The following MAN2A1 variants were observed in gnomAD, a reference collection of about 807,000 sequenced individuals.
MAN2A1 encodes alpha-mannosidase 2.
In MAN2A1, 76 loss-of-function variants were observed where a neutral mutation model predicts 142.6. The observed-to-expected ratio is 0.53, with a 90% CI of 0.44 to 0.65. The LOEUF is 0.65. MAN2A1 is among the 30% of genes least tolerant of loss of function. The pLI, the probability that MAN2A1 is intolerant of heterozygous loss-of-function variation, is 0.00. For synonymous variants in MAN2A1, 559 were observed against 473.2 expected (o/e 1.18, Z -2.35); for missense variants, 1,311 against 1,365.1 (o/e 0.96, Z 0.62).
intron 16 of MAN2A1, 150 bp from the exon 17 acceptor site, chr5:109,842,178 T>C (rs1253028465): frequency 4.1e-6 from 2 of 484,522 alleles, no homozygotes; most frequent in Admixed American, 8.2e-5. Flanking sequence ...AAAAGTTAAA[T>C]TGTCATAGCA....
chr5:109,700,850 TATTTGAAA>T (rs1165212568), intron 1 of MAN2A1, among the ~76,000 whole-genome samples: 1 of 152,228 alleles, frequency 6.6e-6, no homozygotes, highest in African/African-American at 2.4e-5. Flanking sequence ...ATCCAACATA[TATTTGAAA>T]ATTTACTGGG....
Position 109,822,127 on chromosome 5 carries a change from T to A in MAN2A1, c.2452-1596T>A, listed in dbSNP as rs978153496. Among the ~76,000 whole-genome samples, 3 of 151,226 alleles carry A rather than the reference T, an allele frequency of 2.0e-5. No individual in the cohort carries two copies. The East Asian group carries it at 5.8e-4, about 29-fold the overall frequency. ...TACAGTAAGGACTCTAGGTTTTTTGTTTGTTTTTGTTTTTGGTTTTTTTTT... is the reference window on the plus strand; with the variant it reads ...TACAGTAAGGACTCTAGGTTTTTTGATTGTTTTTGTTTTTGGTTTTTTTTT... On this transcript the variant is annotated intron_variant, in intron 15 of 21. Coordinates refer to ENST00000261483, the MANE Select transcript of MAN2A1 (RefSeq NM_002372.4).
chr5:109,856,775 G>A (rs1363526586), intron 20 of MAN2A1, among the ~76,000 whole-genome samples: 1 of 150,908 alleles, frequency 6.6e-6, no homozygotes, highest in Non-Finnish European at 1.5e-5. Context: ...TGCTCGAGGC[G>A]TGTGTGCGTG....
In MAN2A1 at chr5:109,850,462, G is replaced by A. The variant is rs1178399384; in HGVS notation, c.2976+2672G>A. 3.9e-5 allele frequency among the ~76,000 whole-genome samples: 6 copies of A among 152,090 alleles called. No individual in the cohort carries two copies. The South Asian group carries it at 8.3e-4, about 21-fold the overall frequency. Reference sequence around the variant, plus strand: ...AAAGCAAAAATTCTTCCAGTATTTAGAATATTTTAGAAAAAAGAATTAGTA... The same window carrying A: ...AAAGCAAAAATTCTTCCAGTATTTAAAATATTTTAGAAAAAAGAATTAGTA... On this transcript the variant is annotated intron_variant, in intron 19 of 21. Transcript: ENST00000261483.
intron 4 of MAN2A1, among the ~76,000 whole-genome samples, chr5:109,733,694 G>T (rs1225581440): frequency 6.6e-6 from 1 of 152,104 alleles, no homozygotes; most frequent in Non-Finnish European, 1.5e-5. Context: ...AACCAGCCTT[G>T]CATCCCAGGG....
intron 21 of MAN2A1, among the ~76,000 whole-genome samples, chr5:109,866,553 A>G (rs898529805): frequency 5.3e-5 from 8 of 152,218 alleles, no homozygotes; most frequent in East Asian, 3.9e-4. Flanking sequence ...ACAAAAAGGA[A>G]TGCAGAATAT....
chr5:109,804,728 T>C (rs1432225673), intron 12 of MAN2A1, among the ~76,000 whole-genome samples: 1 of 152,208 alleles, frequency 6.6e-6, no homozygotes, highest in Non-Finnish European at 1.5e-5. Flanking sequence ...GATGTAGCAC[T>C]AGTAAAAATT....
At chr5:109,766,065 G>T (rs1278006194) in intron 5 of MAN2A1, among the ~76,000 whole-genome samples, 1 of 152,072 alleles carries the variant, frequency 6.6e-6, no homozygotes, top group Non-Finnish European at 1.5e-5. Flanking sequence ...AGTGCACTGA[G>T]TTGGAAAATT....
At chr5:109,701,380 G>T (rs1345793607) in intron 1 of MAN2A1, among the ~76,000 whole-genome samples, 3 of 152,156 alleles carry the variant, frequency 2.0e-5, no homozygotes, top group Admixed American at 1.3e-4. Flanking sequence ...AATCTTTGGT[G>T]CCTGTGAAGA....
Position 109,697,158 on chromosome 5 carries a change from G to A in MAN2A1, c.135+6606G>A, listed in dbSNP as rs544212326. Reference sequence around the variant, plus strand: ...GAAGATAAGATATATTGATTAATAAGGTAGTATAAAAATTGTCTGCAAAAA... The same window carrying A: ...GAAGATAAGATATATTGATTAATAAAGTAGTATAAAAATTGTCTGCAAAAA... On this transcript the variant is annotated intron_variant, in intron 1 of 21. Transcript: ENST00000261483. Among the ~76,000 whole-genome samples the A allele has an allele frequency of 2.0e-5, 3 of 152,286 alleles. No individual in the cohort carries two copies. In the East Asian group the frequency reaches 5.8e-4, roughly 29 times the overall value.
intron 3 of MAN2A1, among the ~76,000 whole-genome samples, chr5:109,723,366 T>G (rs1164167812): frequency 6.6e-6 from 1 of 152,182 alleles, no homozygotes; most frequent in Admixed American, 6.5e-5. Context: ...TCAGCAGGTT[T>G]CTAGGTTTTC....
Position 109,821,731 on chromosome 5 carries a change from A to G in MAN2A1, c.2451+1389A>G, listed in dbSNP as rs191105971. Among the ~76,000 whole-genome samples, 140 of 152,066 alleles carry G rather than the reference A, an allele frequency of 9.2e-4. 1 individual carries two copies. The highest frequency in any genetic ancestry group is 2.6e-3 in the African/African-American group (106 of 41,506). On this transcript the variant is annotated intron_variant, in intron 15 of 21. Transcript: ENST00000261483. The stretch of plus-strand genomic sequence containing the variant: ...TTTCTTTTGTGATTTTCCTATTTCT[A>G]TTCTTTGACTGTTTTTCTGTTGGTG...
chr5:109,717,469 T>G (rs1373480884), intron 3 of MAN2A1, among the ~76,000 whole-genome samples: 2 of 152,216 alleles, frequency 1.3e-5, no homozygotes, highest in African/African-American at 4.8e-5. Context: ...AAATCAATAT[T>G]CTGGAAATTT....
chr5:109,790,413 T>G (rs1001990311), intron 12 of MAN2A1, among the ~76,000 whole-genome samples: 4 of 151,908 alleles, frequency 2.6e-5, no homozygotes, highest in African/African-American at 9.7e-5. Context: ...GTTGTCTAAA[T>G]TTCTTTAGTA....
chr5:109,752,318 GCTT>G (rs1199279122), intron 4 of MAN2A1, among the ~76,000 whole-genome samples: 3 of 152,030 alleles, frequency 2.0e-5, no homozygotes, highest in Admixed American at 2.0e-4. Context: ...ATATCTGTGA[GCTT>G]CTTCTAATAT....
intron 4 of MAN2A1, among the ~76,000 whole-genome samples, chr5:109,741,902 T>C (rs1752278543): frequency 6.6e-6 from 1 of 152,254 alleles, no homozygotes; most frequent in Non-Finnish European, 1.5e-5. Flanking sequence ...TAAAAGAAGC[T>C]GCCTTCCATT....
Position 109,866,922 on chromosome 5 carries a change from C to T in MAN2A1, c.3359C>T (p.Pro1120Leu). The part of the protein sequence containing the change: ...TPSSLSLMHS[P>L]PGTQNISEIN... ...TCATCACTATCCTTGATGCATTCAC[C>T]TCCCGGCACTCAGAATATAAGTGAG... The change falls in exon 22 of 22, where the codon CCT (proline) becomes CTT (leucine). Residue 1120 changes from proline to leucine, a missense_variant. Coordinates refer to ENST00000261483, the MANE Select transcript of MAN2A1 (RefSeq NM_002372.4). 6.2e-7 allele frequency: 1 copy of T among 1,612,676 alleles called. No homozygotes were observed. The highest frequency in any genetic ancestry group is 8.5e-7 in the Non-Finnish European group (1 of 1,179,018).
At chr5:109,813,317 C>T (rs879694613) in intron 12 of MAN2A1, among the ~76,000 whole-genome samples, 1 of 152,204 alleles carries the variant, frequency 6.6e-6, no homozygotes, top group Non-Finnish European at 1.5e-5. Context: ...GGAATCTCCA[C>T]AGGAAACTTC....
At chr5:109,700,302 C>G (rs1034125141) in intron 1 of MAN2A1, among the ~76,000 whole-genome samples, 2 of 133,388 alleles carry the variant, frequency 1.5e-5, no homozygotes, top group Non-Finnish European at 3.2e-5. Context: ...TTTTTTTGGT[C>G]GTTCACAATT....
Sources: gnomAD v4.1 joint callset for allele counts (sites outside exome capture counted in the v4.1 genomes callset) on GRCh38, gnomAD v4.1.1 for gene constraint, MANE v1.5 for transcripts, NCBI Gene and HGNC (gene_info 2026-07-23, HGNC 2026-07-21) for gene names.